Variants in SEC31B observed in about 807,000 individuals in gnomAD.
SEC31B encodes the protein protein transport protein Sec31B.
Under a neutral mutation model 135.0 loss-of-function variants are expected in SEC31B, and 113 were observed. The ratio of observed to expected loss-of-function variants is 0.84; its 90% CI spans 0.72 to 0.98. SEC31B has a LOEUF of 0.98. SEC31B is among the 50% of genes least tolerant of loss of function. The probability of loss-of-function intolerance (pLI) is 0.00; values close to 1 mark genes in which losing one functional copy is unlikely to be tolerated. For missense variants in SEC31B, 1,296 were observed against 1,421.1 expected (o/e 0.91, Z 1.42); for synonymous variants, 508 against 549.4 (o/e 0.92, Z 1.05).
chr10:100,507,324 G>A (rs1851650410), intron 7 of SEC31B, 101 bp downstream of exon 7: 3 of 1,456,784 alleles, frequency 2.1e-6, no homozygotes, highest in South Asian at 1.2e-5. Context: ...TTAAAGCCAG[G>A]GAGGATGTTT....
chr10:100,496,733 C>G (rs948396928), intron 17 of SEC31B, among the ~76,000 whole-genome samples: 2 of 152,230 alleles, frequency 1.3e-5, no homozygotes, highest in East Asian at 1.9e-4. Context: ...ACCACAGACT[C>G]TGTCAGACTA....
chr10:100,519,756 A>T (rs1022007929), intron 1 of SEC31B, 26 bp downstream of exon 1: 11 of 152,198 alleles, frequency 7.2e-5, no homozygotes, highest in African/African-American at 2.4e-4. Flanking sequence ...GCTACCAGGG[A>T]CCCCAGACCG....
At chr10:100,489,617 G>C (rs1432579811) in intron 22 of SEC31B, 86 bp downstream of exon 22, 1 of 1,584,850 alleles carries the variant, frequency 6.3e-7, no homozygotes. Flanking sequence ...GTCTGAGAAG[G>C]GGAAGGACTG....
chr10:100,518,736 T>G (rs992975602), intron 1 of SEC31B, among the ~76,000 whole-genome samples: 4 of 152,218 alleles, frequency 2.6e-5, no homozygotes, highest in Non-Finnish European at 5.9e-5. Flanking sequence ...CCTGCTTGAG[T>G]AAGCTATAGT....
intron 14 of SEC31B, 97 bp downstream of exon 14, chr10:100,498,608 C>G (rs538511729): frequency 2.0e-5 from 17 of 830,790 alleles, no homozygotes; most frequent in Admixed American, 1.7e-4. Flanking sequence ...GAGGAAGGCA[C>G]GAGGCAGGGG....
chr10:100,501,033 C>T (rs925571633), intron 11 of SEC31B, among the ~76,000 whole-genome samples: 1 of 151,330 alleles, frequency 6.6e-6, no homozygotes, highest in African/African-American at 2.4e-5. Flanking sequence ...ATGGTGAAAC[C>T]CTGTCTCTAC....
At chr10:100,494,382 C>T (rs1027296648) in intron 19 of SEC31B, among the ~76,000 whole-genome samples, 1 of 152,192 alleles carries the variant, frequency 6.6e-6, no homozygotes, top group African/African-American at 2.4e-5. Flanking sequence ...CCTGGCCCTT[C>T]CTAACATACA....
Position 100,496,269 on chromosome 10 carries a change from C to T in SEC31B, c.2299G>A (p.Asp767Asn). Reference protein sequence around the residue: ...LATAMSFLPRDCAQPPVQQLR... With the variant: ...LATAMSFLPRNCAQPPVQQLR... ...ATGGCCCCACTTACCTGAGCACAGTCCCTGGGTAGAAAGCTCATGGCAGTG... is the reference window on the plus strand; with the variant it reads ...ATGGCCCCACTTACCTGAGCACAGTTCCTGGGTAGAAAGCTCATGGCAGTG... The change falls in exon 18 of 26, where the codon GAC (aspartate) becomes AAC (asparagine). Residue 767 changes from aspartate (D) to asparagine (N), a missense_variant. Asp to Asn is a conservative substitution (Grantham distance 23). Coordinates refer to ENST00000370345, the MANE Select transcript of SEC31B (RefSeq NM_015490.4). 1 of 1,614,060 alleles carries T rather than the reference C, an allele frequency of 6.2e-7. No individual in the cohort carries two copies. Among genetic ancestry groups the T allele is most frequent in the Non-Finnish European group, 8.5e-7 (1 of 1,179,956 alleles).
At chr10:100,503,417 G>A (rs111472186) in intron 10 of SEC31B, among the ~76,000 whole-genome samples, 6 of 150,776 alleles carry the variant, frequency 4.0e-5, no homozygotes, top group African/African-American at 7.3e-5. Context: ...ATTCCAATGT[G>A]TATCCAAGGC....
chr10:100,488,764 G>T (rs1018545184), intron 24 of SEC31B, 94 bp downstream of exon 24: 3 of 1,442,826 alleles, frequency 2.1e-6, no homozygotes, highest in Non-Finnish European at 9.2e-7. Context: ...GGGGCAGTGA[G>T]AAGAGAGTCA....
chr10:100,496,487 A>G, intron 17 of SEC31B, 56 bp from the exon 18 acceptor site: 1 of 1,576,180 alleles, frequency 6.3e-7, no homozygotes, highest in Non-Finnish European at 8.7e-7. Flanking sequence ...CCTGCTCTCT[A>G]AGTCCACGCA....
intron 3 of SEC31B, among the ~76,000 whole-genome samples, chr10:100,514,595 A>G (rs917804741): frequency 1.3e-5 from 2 of 152,078 alleles, no homozygotes; most frequent in Admixed American, 1.3e-4. Context: ...ATGCTCTCAT[A>G]AAGTGATGCA....
At chr10:100,510,292 G>A (rs1851715199) in intron 3 of SEC31B, among the ~76,000 whole-genome samples, 1 of 152,248 alleles carries the variant, frequency 6.6e-6, no homozygotes, top group Non-Finnish European at 1.5e-5. Context: ...CTCCCATGTG[G>A]CTGGCCCACT....
rs1422503821 is a variant in SEC31B, at chr10:100,495,451, A to C, written c.2406T>G (p.Val802=). The change falls in exon 19 of 26, where the codon GTT becomes GTG. Residue 802 remains valine, a synonymous_variant. Coordinates refer to ENST00000370345, the MANE Select transcript of SEC31B (RefSeq NM_015490.4). Reference sequence around the variant, plus strand: ...CTTTAGAGTGGAGGGTAGCTCCCACAACAATCCGGGGGAAGGGGAAAGGGG... The same window carrying C: ...CTTTAGAGTGGAGGGTAGCTCCCACCACAATCCGGGGGAAGGGGAAAGGGG... The part of the protein sequence containing the change: ...QSPPFPFPRI[V]VGATLHSKET... 2.5e-6 allele frequency: 4 copies of C among 1,613,958 alleles called. No homozygotes were observed. In the Admixed American group the frequency reaches 6.7e-5, roughly 27 times the overall value.
intron 3 of SEC31B, among the ~76,000 whole-genome samples, chr10:100,515,645 T>C (rs1851820856): frequency 2.0e-5 from 3 of 152,302 alleles, no homozygotes; most frequent in South Asian, 2.1e-4. Context: ...CAATGAATGA[T>C]AGTATCTAGC....
intron 11 of SEC31B, 33 bp from the exon 12 acceptor site, chr10:100,499,631 T>C: frequency 1.3e-6 from 2 of 1,481,720 alleles, no homozygotes; most frequent in Non-Finnish European, 1.9e-6. Flanking sequence ...AAAGATTCCA[T>C]TAAATGAACA....
chr10:100,508,529 T>C (rs561302071), intron 5 of SEC31B: 5 of 463,414 alleles, frequency 1.1e-5, no homozygotes, highest in South Asian at 3.1e-5. Context: ...CAGTTACAGA[T>C]TGACAGACAG....
Position 100,488,294 on chromosome 10 carries a change from T to C in SEC31B, c.3289-196A>G, listed in dbSNP as rs1396523878. 2.0e-5 allele frequency among the ~76,000 whole-genome samples: 3 copies of C among 151,754 alleles called. No homozygotes were observed. The East Asian group carries it at 5.9e-4, about 30-fold the overall frequency. On this transcript the variant is annotated intron_variant, in intron 24 of 25. Transcript: ENST00000370345. ...CTGACACGGTGAAACCCCGTCTCCA[T>C]TAAAAATACAAAAAATTAGCCGGGT...
At chr10:100,519,333 T>G (rs561693626) in intron 1 of SEC31B, among the ~76,000 whole-genome samples, 5 of 152,372 alleles carry the variant, frequency 3.3e-5, no homozygotes, top group Admixed American at 3.3e-4. Flanking sequence ...TCGACAGACC[T>G]GCCGTGCAGG....
Sources: allele counts gnomAD v4.1 joint callset (sites outside exome capture counted in the v4.1 genomes callset), GRCh38; gene constraint gnomAD v4.1.1; transcripts MANE v1.5; gene names NCBI Gene and HGNC (gene_info 2026-07-23, HGNC 2026-07-21).